The following PCDHA7 variants were observed in gnomAD, a reference collection of about 807,000 sequenced individuals.
The protein encoded by PCDHA7 is protocadherin alpha 7.
In PCDHA7, 37 loss-of-function variants were observed where a neutral mutation model predicts 57.2. The observed-to-expected ratio is 0.65, with a 90% CI of 0.50 to 0.85. The LOEUF is 0.85. PCDHA7 is among the 40% of genes least tolerant of loss of function. The pLI is 0.00. For missense variants in PCDHA7, 1,188 were observed against 1,241.8 expected (o/e 0.96, Z 0.65); for synonymous variants, 553 against 558.8 (o/e 0.99, Z 0.15).
chr5:140,849,765 G>A, intron 1 of PCDHA7: 1 of 1,598,514 alleles, frequency 6.3e-7, no homozygotes, highest in Non-Finnish European at 8.6e-7. Context: ...CTACGAGCTG[G>A]TGGTTACCGC....
At chr5:140,986,950 A>C (rs1161887732) in intron 3 of PCDHA7, among the ~76,000 whole-genome samples, 1 of 152,164 alleles carries the variant, frequency 6.6e-6, no homozygotes, top group Admixed American at 6.5e-5. Flanking sequence ...GTGGTCGCTC[A>C]TGCCTGTAAT....
At chr5:140,871,202 T>C in intron 1 of PCDHA7, 1 of 1,613,730 alleles carries the variant, frequency 6.2e-7, no homozygotes, top group Non-Finnish European at 8.5e-7. Context: ...GTGTACCTGA[T>C]CATCGCCATC....
At chr5:140,938,218 T>A (rs1050033125) in intron 1 of PCDHA7, among the ~76,000 whole-genome samples, 3 of 152,210 alleles carry the variant, frequency 2.0e-5, no homozygotes, top group Admixed American at 2.0e-4. Context: ...AGTGCTGGGA[T>A]TACAGGCATA....
At chr5:140,841,572 T>C (rs1562389584) in intron 1 of PCDHA7, 4 of 1,613,982 alleles carry the variant, frequency 2.5e-6, no homozygotes, top group Middle Eastern at 1.7e-4. Flanking sequence ...AATGGCATTT[T>C]GTTTGTGAAT....
Position 140,834,723 on chromosome 5 carries a change from CT to C in PCDHA7, c.341del (p.Leu114ArgfsTer10). ...CCTGGAGGTGATCGTGGAAAGGCCG[CT>C]GCAGGTTTTCCATGTGGACGTGGAG... ...IHLEVIVERP[L>X]QVFHVDVEVK... On this transcript the variant is annotated frameshift_variant, in exon 1 of 4. Transcript: ENST00000525929. LOFTEE classifies it high-confidence loss of function. The C allele has an allele frequency of 6.2e-7, 1 of 1,614,276 alleles. No individual in the cohort carries two copies. The highest frequency in any genetic ancestry group is 1.1e-5 in the South Asian group (1 of 91,090).
chr5:141,000,828 G>A (rs1244334845), intron 3 of PCDHA7, among the ~76,000 whole-genome samples: 2 of 151,966 alleles, frequency 1.3e-5, no homozygotes, highest in African/African-American at 4.8e-5. Flanking sequence ...GATCACTTGA[G>A]TCCAGGAGAT....
chr5:140,854,169 A>AAAAAG, intron 1 of PCDHA7: 1 of 675,122 alleles, frequency 1.5e-6, no homozygotes, highest in South Asian at 6.4e-5. Flanking sequence ...CAAAAAAAAA[A>AAAAAG]AAAAAAAGAG....
At chr5:140,968,020 C>G (rs1554230190) in intron 1 of PCDHA7, 1 of 1,614,202 alleles carries the variant, frequency 6.2e-7, no homozygotes, top group Non-Finnish European at 8.5e-7. Context: ...TTGGAAACTC[C>G]TATACACTGG....
In PCDHA7 at chr5:140,858,669, A is replaced by G; in HGVS notation, c.2355+21931A>G. The G allele has an allele frequency of 4.4e-6, 3 of 676,742 alleles. 1 individual carries two copies. Among genetic ancestry groups the G allele is most frequent in the Non-Finnish European group, 7.2e-6 (3 of 415,418 alleles). 41.9% of individuals were successfully genotyped at this position (676,742 alleles called of 1,614,324 possible). On this transcript the variant is annotated intron_variant, in intron 1 of 3. Coordinates refer to ENST00000525929, the MANE Select transcript of PCDHA7 (RefSeq NM_018910.3). ...CTTAAATTTTTTTAAATAACAATTT[A>G]TTCTGAATACACTAATATTTTCCAA...
chr5:140,921,151 ATTT>A (rs11299094), intron 1 of PCDHA7, among the ~76,000 whole-genome samples: 3 of 151,512 alleles, frequency 2.0e-5, no homozygotes, highest in South Asian at 2.1e-4. Context: ...CAGCTAATGC[ATTT>A]TTTTTTTAAC....
chr5:140,840,146 G>A (rs2150303879), intron 1 of PCDHA7, among the ~76,000 whole-genome samples: 10 of 152,008 alleles, frequency 6.6e-5, no homozygotes, highest in Admixed American at 3.3e-4. Flanking sequence ...ATTATCACAC[G>A]TGAAAGGAGA....
chr5:140,884,554 G>A (rs1554181727), intron 1 of PCDHA7: 10 of 1,614,160 alleles, frequency 6.2e-6, no homozygotes, highest in Non-Finnish European at 6.8e-6. Context: ...GCTCTGGGGA[G>A]GGCCCGCATA....
At chr5:140,905,611 T>C (rs1396340503) in intron 1 of PCDHA7, among the ~76,000 whole-genome samples, 1 of 152,224 alleles carries the variant, frequency 6.6e-6, no homozygotes, top group South Asian at 2.1e-4. Flanking sequence ...ATTGAATCTA[T>C]AGATTGCTTT....
At chr5:141,005,610 G>C (rs1184044588) in intron 3 of PCDHA7, among the ~76,000 whole-genome samples, 1 of 147,582 alleles carries the variant, frequency 6.8e-6, no homozygotes, top group Non-Finnish European at 1.5e-5. Context: ...GCTGAGGCAG[G>C]AGAATGGCGT....
At chr5:140,903,386 T>C (rs1053060392) in intron 1 of PCDHA7, among the ~76,000 whole-genome samples, 3 of 152,222 alleles carry the variant, frequency 2.0e-5, no homozygotes, top group Non-Finnish European at 4.4e-5. Context: ...TTGTGGTTAC[T>C]TCTAGAAACA....
chr5:140,889,035 T>C (rs1554183751), intron 1 of PCDHA7, among the ~76,000 whole-genome samples: 2 of 152,104 alleles, frequency 1.3e-5, no homozygotes. Flanking sequence ...AACCGTAATT[T>C]GATTATAATT....
chr5:140,840,271 T>A (rs2150305298), intron 1 of PCDHA7, among the ~76,000 whole-genome samples: 3 of 152,098 alleles, frequency 2.0e-5, no homozygotes, highest in Non-Finnish European at 4.4e-5. Flanking sequence ...TTTTAATGAT[T>A]TGGGTTTTGG....
Position 140,956,653 on chromosome 5 carries a change from G to A in PCDHA7, c.2356-22296G>A, listed in dbSNP as rs146062919. ...TGCCAGGTTTTGGTATCAGGATGAT[G>A]CTGGCCTTAAAGGAGTTAGGGAGGA... On this transcript the variant is annotated intron_variant, in intron 1 of 3. Transcript: ENST00000525929. 5.2e-4 allele frequency among the ~76,000 whole-genome samples: 79 copies of A among 152,240 alleles called. 1 individual carries two copies. The highest frequency in any genetic ancestry group is 1.9e-3 in the African/African-American group (79 of 41,558).
At position 140,834,761 on chromosome 5, in the gene PCDHA7, T is replaced by G. The variant is rs1265880924; in HGVS notation, c.378T>G (p.Ile126Met). Residue 126 changes from isoleucine to methionine, a missense_variant, in exon 1 of 4, where the codon ATT becomes ATG. Ile to Met is a conservative substitution (Grantham distance 10). Transcript: ENST00000525929. Reference protein sequence around the residue: ...VFHVDVEVKDINDNPPVFPAT... With the variant: ...VFHVDVEVKDMNDNPPVFPAT... ...ATGTGGACGTGGAGGTGAAGGACAT[T>G]AACGACAACCCTCCGGTGTTCCCAG... The G allele has an allele frequency of 3.7e-6, 6 of 1,613,900 alleles. No individual in the cohort carries two copies. The highest frequency in any genetic ancestry group is 5.1e-6 in the Non-Finnish European group (6 of 1,180,020).
Sources: allele counts gnomAD v4.1 joint callset (sites outside exome capture counted in the v4.1 genomes callset), GRCh38; gene constraint gnomAD v4.1.1; transcripts MANE v1.5; gene names NCBI Gene and HGNC (gene_info 2026-07-23, HGNC 2026-07-21).